The following AKAP12 variants were observed in gnomAD, a reference collection of about 807,000 sequenced individuals.
AKAP12 encodes the protein A-kinase anchoring protein 12, also known as A-kinase anchor protein 12.
In AKAP12, 32 loss-of-function variants were observed where a neutral mutation model predicts 79.9. The observed-to-expected ratio is 0.40, with a 90% CI of 0.30 to 0.54. The LOEUF is 0.54. AKAP12 is among the 20% of genes least tolerant of loss of function. AKAP12 has a pLI of 0.48. For missense variants in AKAP12, 2,074 were observed against 2,177.0 expected, an observed-to-expected ratio of 0.95 and a Z score of 0.94; for synonymous variants, 808 against 857.0, an observed-to-expected ratio of 0.94 and a Z score of 1.00.
rs150957804 is a variant in AKAP12, at chr6:151,321,385, A to G, written c.319+15482A>G. Among the ~76,000 whole-genome samples the G allele has an allele frequency of 1.6e-3, 244 of 152,254 alleles. 1 individual carries two copies. Among genetic ancestry groups the G allele is most frequent in the African/African-American group, 5.5e-3 (230 of 41,560 alleles). On this transcript the variant is annotated intron_variant, in intron 3 of 4. Coordinates refer to ENST00000402676, the MANE Select transcript of AKAP12 (RefSeq NM_005100.4). ...GTCTTAGGTAACCACTAACTACTTTATGTCTATGGATTCGCCTCTTGTAGA... is the reference window on the plus strand; with the variant it reads ...GTCTTAGGTAACCACTAACTACTTTGTGTCTATGGATTCGCCTCTTGTAGA...
intron 3 of AKAP12, chr6:151,325,678 T>C (rs1056923933): frequency 7.6e-5 from 109 of 1,429,138 alleles, no homozygotes; most frequent in Non-Finnish European, 9.5e-5. Flanking sequence ...CGCGCTCTGC[T>C]TTTCGCTGCG....
chr6:151,308,641 T>A (rs1428764076), intron 3 of AKAP12, among the ~76,000 whole-genome samples: 1 of 152,186 alleles, frequency 6.6e-6, no homozygotes, highest in African/African-American at 2.4e-5. Context: ...TCTGGAGGCC[T>A]TACTTTTGGG....
chr6:151,341,057 CTTT>C (rs11359622), intron 3 of AKAP12, among the ~76,000 whole-genome samples: 7 of 138,174 alleles, frequency 5.1e-5, no homozygotes, highest in Admixed American at 7.2e-5. Context: ...TCTTTTTTTT[CTTT>C]TTTTTTTTTT....
At chr6:151,329,482 T>TA (rs1259932463) in intron 3 of AKAP12, among the ~76,000 whole-genome samples, 1 of 152,220 alleles carries the variant, frequency 6.6e-6, no homozygotes, top group East Asian at 1.9e-4. Context: ...ATAATATTGA[T>TA]ACATTGCAAA....
At chr6:151,340,966 CG>C (rs1351966709) in intron 3 of AKAP12, among the ~76,000 whole-genome samples, 1 of 152,156 alleles carries the variant, frequency 6.6e-6, no homozygotes, top group Non-Finnish European at 1.5e-5. Context: ...GTTCCATTAT[CG>C]AGGATAAGTC....
chr6:151,324,391 T>A, intron 3 of AKAP12: 1 of 985,428 alleles, frequency 1.0e-6, no homozygotes, highest in Non-Finnish European at 1.2e-6. Flanking sequence ...TTGCTCACTC[T>A]GGGCCCGAGT....
rs1480513757 is a variant in AKAP12 at position 151,352,142 on chromosome 6, T to C, written c.3751T>C (p.Ser1251Pro). 1 of 1,614,130 alleles carries C rather than the reference T, an allele frequency of 6.2e-7. No homozygotes were observed. The change falls in exon 4 of 5, where the codon TCA becomes CCA. Residue 1251 changes from serine to proline, a missense_variant. Around this residue, in one of 3 missense-constraint regions of AKAP12, gnomAD observed 614 missense variants for 665.6 expected, o/e 0.92. Coordinates refer to ENST00000402676, the MANE Select transcript of AKAP12 (RefSeq NM_005100.4). ...TCTAGAGCATACAGATAAAGAGGTG[T>C]CAGTGGAAACTGTATCCATTCTGTC... ...DTLEHTDKEV[S>P]VETVSILSKT...
At position 151,357,839 on chromosome 6, in the gene AKAP12, T is replaced by G. The variant is rs1416016024; in HGVS notation, c.*2125T>G. The G allele has an allele frequency of 6.6e-6, 1 of 152,024 alleles. No individual in the cohort carries two copies. Among genetic ancestry groups the G allele is most frequent in the African/African-American group, 2.4e-5 (1 of 41,398 alleles). The allele number at this position is 152,024 out of a possible 1,614,324, so 9.4% of individuals were successfully genotyped here. A position where few individuals can be genotyped will look rare whatever the true frequency, so the allele number is the denominator to read the frequency against. On this transcript the variant is annotated 3_prime_UTR_variant, in exon 5 of 5. Coordinates refer to ENST00000402676, the MANE Select transcript of AKAP12 (RefSeq NM_005100.4). ...CAAGTTCATATTGACTTCCTCTCTA[T>G]GGCAGGAAGACATTCTGTGCTGTTT...
At chr6:151,249,666 T>C (rs1206783917) in intron 2 of AKAP12, among the ~76,000 whole-genome samples, 1 of 152,232 alleles carries the variant, frequency 6.6e-6, no homozygotes, top group Non-Finnish European at 1.5e-5. Flanking sequence ...TACCTATTGC[T>C]CCAGTACCAT....
chr6:151,326,499 A>AG (rs909229586), intron 3 of AKAP12, among the ~76,000 whole-genome samples: 24 of 144,970 alleles, frequency 1.7e-4, no homozygotes, highest in African/African-American at 5.4e-4. Flanking sequence ...TAAAAAAAAA[A>AG]AAAAAAAGAA....
At chr6:151,263,552 A>G (rs914279401) in intron 2 of AKAP12, among the ~76,000 whole-genome samples, 9 of 151,606 alleles carry the variant, frequency 5.9e-5, no homozygotes, top group Admixed American at 1.3e-4. Context: ...TTTACTCACT[A>G]TACTCTCTTG....
chr6:151,334,879 T>C (rs2114799390), intron 3 of AKAP12, among the ~76,000 whole-genome samples: 1 of 152,198 alleles, frequency 6.6e-6, no homozygotes, highest in African/African-American at 2.4e-5. Flanking sequence ...CGCCTCGGCC[T>C]CCTAGAGTGC....
intron 3 of AKAP12, among the ~76,000 whole-genome samples, chr6:151,339,754 C>T (rs773869827): frequency 5.9e-5 from 9 of 152,092 alleles, no homozygotes; most frequent in Non-Finnish European, 1.3e-4. Context: ...CCCTTCCTCC[C>T]CCAACCCCTG....
chr6:151,324,916 T>G (rs552238005), intron 3 of AKAP12: 73 of 985,356 alleles, frequency 7.4e-5, no homozygotes, highest in Non-Finnish European at 8.3e-5. Flanking sequence ...GATTTCCGAG[T>G]TGTGTGCTTG....
chr6:151,301,118 T>C lies in AKAP12; in HGVS notation c.163-4629T>C, dbSNP rs914377958. Among the ~76,000 whole-genome samples the C allele has an allele frequency of 4.6e-5, 7 of 152,314 alleles. No individual in the cohort carries two copies. The East Asian group carries it at 1.2e-3, about 25-fold the overall frequency. On this transcript the variant is annotated intron_variant, in intron 2 of 4. Coordinates refer to ENST00000402676, the MANE Select transcript of AKAP12 (RefSeq NM_005100.4). ...TGAAATGGGTGGTCCTCGAATCCCA[T>C]CTGGCTCCAATGAATCCCATCTGGT...
Position 151,352,244 on chromosome 6 carries a change from G to A in AKAP12, c.3853G>A (p.Glu1285Lys). Residue 1285 changes from glutamate (E) to lysine (K), a missense_variant, in exon 4 of 5, where the codon GAG (glutamate) becomes AAG (lysine). Coordinates refer to ENST00000402676, the MANE Select transcript of AKAP12 (RefSeq NM_005100.4). ...TKDVPFFEGL[E>K]GSIDTGITVS... ...AGACGTACCATTTTTCGAAGGACTTGAGGGGTCTATAGACACAGGCATAAC... is the reference window on the plus strand; with the variant it reads ...AGACGTACCATTTTTCGAAGGACTTAAGGGGTCTATAGACACAGGCATAAC... 6.2e-7 allele frequency: 1 copy of A among 1,614,180 alleles called. No individual in the cohort carries two copies. The highest frequency in any genetic ancestry group is 8.5e-7 in the Non-Finnish European group (1 of 1,180,020).
chr6:151,291,226 T>C (rs186905101), intron 2 of AKAP12, among the ~76,000 whole-genome samples: 1 of 152,266 alleles, frequency 6.6e-6, no homozygotes, highest in Non-Finnish European at 1.5e-5. Context: ...TTCCCAGAGA[T>C]TCTGACTTAA....
At chr6:151,332,031 C>CTGTTGTTTTTGTT (rs1440078242) in intron 3 of AKAP12, among the ~76,000 whole-genome samples, 1 of 72,794 alleles carries the variant, frequency 1.4e-5, no homozygotes, top group East Asian at 7.4e-4. Flanking sequence ...AGTTCTGGGT[C>CTGTTGTTTTTGTT]TGTTTTTTTT....
intron 4 of AKAP12, 101 bp downstream of exon 4, chr6:151,353,853 T>C: frequency 1.3e-6 from 1 of 746,558 alleles, no homozygotes. Flanking sequence ...TGCCTTCGTG[T>C]AGAACCTTCA....
Sources: gnomAD v4.1 joint callset for allele counts (sites outside exome capture counted in the v4.1 genomes callset) on GRCh38, gnomAD v4.1.1 for gene constraint, gnomAD v4.1.1 regional missense constraint, MANE v1.5 for transcripts, NCBI Gene and HGNC (gene_info 2026-07-23, HGNC 2026-07-21) for gene names.